FIGN: variants seen among roughly 807,000 people sequenced by gnomAD.
FIGN encodes fidgetin.
In FIGN, 11 loss-of-function variants were observed where a neutral mutation model predicts 51.3. The ratio of observed to expected loss-of-function variants is 0.21; its 90% CI spans 0.13 to 0.35. The LOEUF is 0.35. Among genes scored for constraint, FIGN ranks in the 10% least tolerant of loss-of-function variants. The pLI is 1.00. For missense variants in FIGN, 857 were observed against 943.6 expected (o/e 0.91, Z 1.20); for synonymous variants, 407 against 363.2 (o/e 1.12, Z -1.37).
At chr2:163,672,217 T>G (rs755703997) in intron 2 of FIGN, among the ~76,000 whole-genome samples, 1 of 151,624 alleles carries the variant, frequency 6.6e-6, no homozygotes, top group South Asian at 2.1e-4. Context: ...AGAAAACTAT[T>G]TGACAATTAG....
chr2:163,701,170 A>T (rs1684402456), intron 2 of FIGN, among the ~76,000 whole-genome samples: 1 of 152,196 alleles, frequency 6.6e-6, no homozygotes, highest in Non-Finnish European at 1.5e-5. Flanking sequence ...AGTCCTCTGC[A>T]ACTTCTTAAT....
At chr2:163,677,641 A>G in intron 2 of FIGN, among the ~76,000 whole-genome samples, 1 of 152,332 alleles carries the variant, frequency 6.6e-6, no homozygotes, top group Non-Finnish European at 1.5e-5. Flanking sequence ...TATTAAAATA[A>G]CTTCTTATTT....
At chr2:163,676,673 A>G (rs1351692558) in intron 2 of FIGN, among the ~76,000 whole-genome samples, 1 of 151,900 alleles carries the variant, frequency 6.6e-6, no homozygotes, top group Non-Finnish European at 1.5e-5. Context: ...AAGCTGATAA[A>G]TATCAGCTCT....
chr2:163,611,685 G>C lies in FIGN; in HGVS notation c.147C>G (p.Thr49=), dbSNP rs147035155. The change falls in exon 3 of 3, where the codon ACC becomes ACG. Residue 49 remains threonine (T), a synonymous_variant. Coordinates refer to ENST00000333129, the MANE Select transcript of FIGN (RefSeq NM_018086.4). ...CATCATTCGCCCAGGCGTACTGATA[G>C]GTGCGCTGCAGATGACCTCTGTAGG... The part of the protein sequence containing the change: ...VEAYRGHLQR[T]YQYAWANDDI... 145 of 1,614,194 alleles carry C rather than the reference G, an allele frequency of 9.0e-5. No homozygotes were observed. The East Asian group carries it at 3.1e-3, about 34-fold the overall frequency.
At chr2:163,734,162 A>G (rs1684975666) in intron 2 of FIGN, among the ~76,000 whole-genome samples, 1 of 152,046 alleles carries the variant, frequency 6.6e-6, no homozygotes. Context: ...AACGAAGTCA[A>G]TTTCAGTGCC....
At chr2:163,699,156 T>C (rs1684368654) in intron 2 of FIGN, among the ~76,000 whole-genome samples, 2 of 152,130 alleles carry the variant, frequency 1.3e-5, no homozygotes, top group Non-Finnish European at 2.9e-5. Flanking sequence ...ACTTTCTAAA[T>C]CTAAGAGCTT....
In FIGN at chr2:163,684,605, C is replaced by T. The variant is rs557910009; in HGVS notation, c.25+50298G>A. 2.0e-5 allele frequency among the ~76,000 whole-genome samples: 3 copies of T among 152,248 alleles called. No homozygotes were observed. In the South Asian group the frequency reaches 6.2e-4, roughly 32 times the overall value. ...ACAATCTAGTTTTCAGGTACATGTC[C>T]CCACTTTAGGCTTTCAGAGGGAGAG... On this transcript the variant is annotated intron_variant, in intron 2 of 2. Transcript: ENST00000333129.
chr2:163,723,362 T>C lies in FIGN; in HGVS notation c.25+11541A>G, dbSNP rs190504621. Among the ~76,000 whole-genome samples the C allele has an allele frequency of 7.6e-4, 116 of 152,296 alleles. 1 individual carries two copies. The highest frequency in any genetic ancestry group is 2.5e-3 in the African/African-American group (103 of 41,574). On this transcript the variant is annotated intron_variant, in intron 2 of 2. Transcript: ENST00000333129. The stretch of plus-strand genomic sequence containing the variant: ...AAAATAAAAATGAATTAGATGTGTG[T>C]GCTCTCAAGCAATTTACAGCTTCAT...
intron 2 of FIGN, among the ~76,000 whole-genome samples, chr2:163,630,369 G>A (rs531803103): frequency 4.1e-4 from 63 of 152,172 alleles, no homozygotes; most frequent in African/African-American, 1.3e-3. Context: ...GACATGTTTA[G>A]GAGTCAGTTA....
At chr2:163,729,003 A>G (rs1684885715) in intron 2 of FIGN, among the ~76,000 whole-genome samples, 1 of 152,168 alleles carries the variant, frequency 6.6e-6, no homozygotes, top group Admixed American at 6.6e-5. Context: ...ACATTGCACT[A>G]CCTTTAAAAT....
At chr2:163,703,030 C>CTT (rs1324948335) in intron 2 of FIGN, among the ~76,000 whole-genome samples, 12 of 132,378 alleles carry the variant, frequency 9.1e-5, no homozygotes, top group Admixed American at 3.1e-4. Flanking sequence ...GATTATTTAG[C>CTT]TTTTTTTTTT....
At chr2:163,695,526 TAC>T (rs35863695) in intron 2 of FIGN, among the ~76,000 whole-genome samples, 5 of 151,422 alleles carry the variant, frequency 3.3e-5, no homozygotes, top group South Asian at 4.2e-4. Flanking sequence ...CAAAATATCT[TAC>T]ACACACACAC....
intron 2 of FIGN, among the ~76,000 whole-genome samples, chr2:163,661,618 C>T (rs1445724367): frequency 6.6e-6 from 1 of 152,028 alleles, no homozygotes; most frequent in Non-Finnish European, 1.5e-5. Context: ...TTGGGTGTGT[C>T]CCCACCCAAA....
intron 2 of FIGN, among the ~76,000 whole-genome samples, chr2:163,721,306 A>C (rs537956868): frequency 6.6e-6 from 1 of 152,266 alleles, no homozygotes; most frequent in South Asian, 2.1e-4. Context: ...TACCACTATA[A>C]GGTTTTACAA....
intron 2 of FIGN, among the ~76,000 whole-genome samples, chr2:163,704,627 C>CTG (rs1684466494): frequency 8.1e-6 from 1 of 123,236 alleles, no homozygotes; most frequent in Non-Finnish European, 1.7e-5. Flanking sequence ...CTCTCTCTTT[C>CTG]TCTCTCTCTC....
chr2:163,724,562 T>C (rs185662579), intron 2 of FIGN, among the ~76,000 whole-genome samples: 1 of 152,222 alleles, frequency 6.6e-6, no homozygotes, highest in Non-Finnish European at 1.5e-5. Flanking sequence ...GTCAGGAAGT[T>C]ATAGCAAGCA....
At chr2:163,694,926 G>A (rs115803287) in intron 2 of FIGN, among the ~76,000 whole-genome samples, 184 of 152,202 alleles carry the variant, frequency 1.2e-3, no homozygotes, top group African/African-American at 4.1e-3. Context: ...TAGCTAGGAC[G>A]ACAGGTGTTC....
intron 2 of FIGN, among the ~76,000 whole-genome samples, chr2:163,734,067 C>A (rs973377601): frequency 6.6e-6 from 1 of 151,354 alleles, no homozygotes; most frequent in African/African-American, 2.4e-5. Flanking sequence ...GTACACAGGG[C>A]ACTGCCACAA....
At chr2:163,677,965 T>C (rs1012444548) in intron 2 of FIGN, among the ~76,000 whole-genome samples, 2 of 152,206 alleles carry the variant, frequency 1.3e-5, no homozygotes, top group African/African-American at 2.4e-5. Context: ...CTTTTAAGAA[T>C]AGTTTTAAAT....
Sources: gnomAD v4.1 joint callset for allele counts (sites outside exome capture counted in the v4.1 genomes callset) on GRCh38, gnomAD v4.1.1 for gene constraint, MANE v1.5 for transcripts, NCBI Gene and HGNC (gene_info 2026-07-23, HGNC 2026-07-21) for gene names.